PPP2R3A: variants seen among roughly 807,000 people sequenced by gnomAD.
PPP2R3A encodes the protein protein phosphatase 2 regulatory subunit B''alpha, also known as serine/threonine-protein phosphatase 2A regulatory subunit B'' subunit alpha.
A neutral mutation model predicts 106.9 loss-of-function variants in PPP2R3A; 80 were observed. The observed-to-expected ratio is 0.75, with a 90% CI of 0.62 to 0.90. The LOEUF is 0.90. PPP2R3A is among the 40% of genes least tolerant of loss of function. The pLI is 0.00. For missense variants in PPP2R3A, 1,386 were observed against 1,350.4 expected (o/e 1.03, Z -0.41); for synonymous variants, 483 against 468.3 (o/e 1.03, Z -0.41).
chr3:136,106,321 G>A lies in PPP2R3A; in HGVS notation c.3328G>A (p.Gly1110Ser). The A allele has an allele frequency of 6.2e-7, 1 of 1,613,142 alleles. No homozygotes were observed. Among genetic ancestry groups the A allele is most frequent in the South Asian group, 1.1e-5 (1 of 91,014 alleles). ...EESAQAQFQE[G>S]FEDYETDEPA... ...ATCTGCCCAAGCACAATTCCAGGAA[G>A]GGTGAGTAAGTTTCCCTATGTCTTA... The change falls in exon 13 of 14, where the codon GGC (glycine) becomes AGC (serine). Residue 1110 changes from glycine (G) to serine (S), a missense_variant and splice_region_variant. Physicochemically the swap from Gly to Ser is moderately conservative, Grantham distance 56 (BLOSUM62 0). Transcript: ENST00000264977.
chr3:136,088,433 A>C (rs759285504), intron 9 of PPP2R3A, among the ~76,000 whole-genome samples: 4 of 152,106 alleles, frequency 2.6e-5, no homozygotes, highest in African/African-American at 9.7e-5. Flanking sequence ...TGATTTCATA[A>C]TTTTTATGGC....
At chr3:136,116,881 A>G (rs1937784084) in intron 13 of PPP2R3A, among the ~76,000 whole-genome samples, 1 of 152,228 alleles carries the variant, frequency 6.6e-6, no homozygotes, top group African/African-American at 2.4e-5. Flanking sequence ...CTCTGGACCA[A>G]GTGGACCTAA....
intron 1 of PPP2R3A, among the ~76,000 whole-genome samples, chr3:135,997,116 C>A (rs980635150): frequency 2.6e-5 from 4 of 152,128 alleles, no homozygotes; most frequent in Non-Finnish European, 5.9e-5. Flanking sequence ...AGAAAAAATT[C>A]ATATCTCCAT....
At chr3:136,065,319 C>T (rs1252842411) in intron 5 of PPP2R3A, among the ~76,000 whole-genome samples, 1 of 151,936 alleles carries the variant, frequency 6.6e-6, no homozygotes, top group African/African-American at 2.4e-5. Flanking sequence ...ATAGAGATAA[C>T]CAGCAAAAGA....
intron 6 of PPP2R3A, among the ~76,000 whole-genome samples, chr3:136,074,472 C>T (rs1936535139): frequency 6.6e-6 from 1 of 152,156 alleles, no homozygotes; most frequent in Admixed American, 6.5e-5. Flanking sequence ...ATTAGAAATA[C>T]CAGCAAATCA....
intron 1 of PPP2R3A, among the ~76,000 whole-genome samples, chr3:135,999,819 G>C (rs576593238): frequency 6.6e-6 from 1 of 152,040 alleles, no homozygotes; most frequent in South Asian, 2.1e-4. Flanking sequence ...TGTCACCCAG[G>C]CTGGAGTGCA....
intron 8 of PPP2R3A, among the ~76,000 whole-genome samples, chr3:136,084,246 C>T (rs947624045): frequency 1.3e-5 from 2 of 152,260 alleles, no homozygotes; most frequent in African/African-American, 4.8e-5. Context: ...ACCTGCATCC[C>T]AGCTGTTTCA....
chr3:136,099,435 T>C lies in PPP2R3A; in HGVS notation c.2928-2572T>C, dbSNP rs370842926. Among the ~76,000 whole-genome samples, 9 of 152,232 alleles carry C rather than the reference T, an allele frequency of 5.9e-5. No homozygotes were observed. The East Asian group carries it at 1.7e-3, about 29-fold the overall frequency. ...ACAAGAAAAAAAACACAGTGATTAATATCCTCAGAGAGACTATGAGAAGAA... is the reference window on the plus strand; with the variant it reads ...ACAAGAAAAAAAACACAGTGATTAACATCCTCAGAGAGACTATGAGAAGAA... On this transcript the variant is annotated intron_variant, in intron 10 of 13. Transcript: ENST00000264977.
At chr3:136,087,762 T>G (rs1280840342) in intron 8 of PPP2R3A, 121 bp from the exon 9 acceptor site, 2 of 600,802 alleles carry the variant, frequency 3.3e-6, no homozygotes, top group Non-Finnish European at 5.9e-6. Flanking sequence ...ACTCACATTC[T>G]CATCATGGAC....
chr3:136,084,511 G>A (rs2107934276), intron 8 of PPP2R3A, among the ~76,000 whole-genome samples: 1 of 152,376 alleles, frequency 6.6e-6, no homozygotes, highest in Non-Finnish European at 1.5e-5. Flanking sequence ...GAAATGTGGG[G>A]TTGAAGCCCC....
At chr3:136,120,576 A>G (rs1253306357) in intron 13 of PPP2R3A, among the ~76,000 whole-genome samples, 2 of 152,142 alleles carry the variant, frequency 1.3e-5, no homozygotes, top group Non-Finnish European at 2.9e-5. Context: ...AGACAGAGTG[A>G]GACTCTTGTC....
chr3:136,026,151 T>A (rs912316511), intron 2 of PPP2R3A, among the ~76,000 whole-genome samples: 2 of 152,176 alleles, frequency 1.3e-5, no homozygotes, highest in African/African-American at 4.8e-5. Context: ...AGTTTGGTTG[T>A]GATGAAATTA....
chr3:136,014,576 G>A (rs1243670134), intron 2 of PPP2R3A, among the ~76,000 whole-genome samples: 2 of 151,818 alleles, frequency 1.3e-5, no homozygotes, highest in East Asian at 1.9e-4. Context: ...TATTTATTTT[G>A]TTTTTTTACA....
rs570490728 is a variant in PPP2R3A at position 136,002,361 on chromosome 3, A to G, written c.863A>G (p.Tyr288Cys). Residue 288 changes from tyrosine (Y) to cysteine (C), a missense_variant, in exon 2 of 14, where the codon TAT (tyrosine) becomes TGT (cysteine). Physicochemically the swap from Tyr to Cys is radical, Grantham distance 194 (BLOSUM62 -2). Coordinates refer to ENST00000264977, the MANE Select transcript of PPP2R3A (RefSeq NM_002718.5). ...YMNVMTRLAS[Y>C]LKKLPFEFMQ... The stretch of plus-strand genomic sequence containing the variant: ...AATGTAATGACCAGGTTAGCATCCT[A>G]TCTGAAAAAGTTACCATTTGAATTC... The G allele has an allele frequency of 3.1e-6, 5 of 1,613,940 alleles. No individual in the cohort carries two copies. Among genetic ancestry groups the G allele is most frequent in the Middle Eastern group, 1.7e-4 (1 of 6,060 alleles).
chr3:136,071,406 T>C (rs1199822668), intron 6 of PPP2R3A, among the ~76,000 whole-genome samples: 1 of 152,246 alleles, frequency 6.6e-6, no homozygotes, highest in Non-Finnish European at 1.5e-5. Flanking sequence ...ATTGGCTCTC[T>C]TATGTCAGTA....
At chr3:136,050,872 T>C (rs1182734060) in intron 5 of PPP2R3A, among the ~76,000 whole-genome samples, 1 of 152,108 alleles carries the variant, frequency 6.6e-6, no homozygotes, top group Non-Finnish European at 1.5e-5. Context: ...AGAAGAGAAG[T>C]GACCTCAAAA....
intron 1 of PPP2R3A, among the ~76,000 whole-genome samples, chr3:135,992,293 G>A (rs569085122): frequency 5.9e-5 from 9 of 152,198 alleles, no homozygotes; most frequent in African/African-American, 1.9e-4. Flanking sequence ...ATTACACCTT[G>A]TGTTCTCTGT....
At chr3:135,972,062 C>T (rs149082093) in intron 1 of PPP2R3A, among the ~76,000 whole-genome samples, 64 of 152,192 alleles carry the variant, frequency 4.2e-4, no homozygotes, top group African/African-American at 1.3e-3. Flanking sequence ...CAGCCATCAC[C>T]GCTAATTCTG....
intron 10 of PPP2R3A, among the ~76,000 whole-genome samples, chr3:136,099,559 TAAAA>T (rs1490401127): frequency 6.6e-6 from 1 of 150,660 alleles, no homozygotes; most frequent in Non-Finnish European, 1.5e-5. Context: ...ATAGCAGAAA[TAAAA>T]AAACAATGTT....
Sources: allele counts gnomAD v4.1 joint callset (sites outside exome capture counted in the v4.1 genomes callset), GRCh38; gene constraint gnomAD v4.1.1; transcripts MANE v1.5; gene names NCBI Gene and HGNC (gene_info 2026-07-23, HGNC 2026-07-21).